DNAH14: variants seen among roughly 807,000 people sequenced by gnomAD.
DNAH14 encodes axonemal beta dynein heavy chain 14.
A neutral mutation model predicts 520.9 loss-of-function variants in DNAH14; 478 were observed. The ratio of observed to expected loss-of-function variants is 0.92; its 90% CI spans 0.85 to 0.99. The LOEUF is 0.99. DNAH14 is among the 50% of genes least tolerant of loss of function. The pLI is 0.00. For missense variants in DNAH14, 4,831 were observed against 5,234.5 expected (o/e 0.92, Z 2.38); for synonymous variants, 1,581 against 1,757.2 (o/e 0.90, Z 2.51).
intron 1 of DNAH14, among the ~76,000 whole-genome samples, chr1:224,947,804 GTTAT>G (rs2059938929): frequency 6.6e-6 from 1 of 151,466 alleles, no homozygotes; most frequent in Non-Finnish European, 1.5e-5. Context: ...TGAAATATGA[GTTAT>G]TTAGACAGGT....
intron 23 of DNAH14, among the ~76,000 whole-genome samples, chr1:225,106,744 G>A (rs2076086598): frequency 6.6e-6 from 1 of 152,184 alleles, no homozygotes. Context: ...GTCCTTTAAG[G>A]ACTTCTCTGC....
chr1:225,299,732 C>A (rs1175494583), intron 55 of DNAH14, among the ~76,000 whole-genome samples: 1 of 152,186 alleles, frequency 6.6e-6, no homozygotes, highest in African/African-American at 2.4e-5. Context: ...CCCACACTTT[C>A]CAGGCTTCTT....
At position 225,351,798 on chromosome 1, in the gene DNAH14, C is replaced by G; in HGVS notation, c.11448C>G (p.Asn3816Lys). 6.4e-7 allele frequency: 1 copy of G among 1,551,294 alleles called. No homozygotes were observed. Among genetic ancestry groups the G allele is most frequent in the South Asian group, 1.2e-5 (1 of 84,058 alleles). ...SNVSQWDTFK[N>K]SKAVYSLIST... is the part of the protein sequence containing the mutation. ...TATCACAATGGGATACTTTTAAGAA[C>G]AGTAAAGCAGTTTATTCTCTGATCA... The change falls in exon 72 of 86, where the codon AAC becomes AAG. Residue 3816 changes from asparagine (N) to lysine (K), a missense_variant. By Grantham distance (94) the Asn-to-Lys change is moderately conservative. Coordinates refer to ENST00000682510, the MANE Select transcript of DNAH14 (RefSeq NM_001367479.1).
At chr1:225,152,192 C>T (rs1196039212) in intron 32 of DNAH14, 119 bp downstream of exon 32, 2 of 810,864 alleles carry the variant, frequency 2.5e-6, no homozygotes, top group Admixed American at 5.5e-5. Context: ...CCACCATCCT[C>T]TGAACACTTC....
At chr1:225,214,541 CT>C (rs1476663658) in intron 41 of DNAH14, among the ~76,000 whole-genome samples, 2 of 152,098 alleles carry the variant, frequency 1.3e-5, no homozygotes, top group Non-Finnish European at 2.9e-5. Flanking sequence ...TGCTGCTAGA[CT>C]TTTTTTGGTT....
rs41267357 is a variant in DNAH14 at position 225,322,835 on chromosome 1, A to T, written c.9495+12A>T. The T allele has an allele frequency of 0.052, 79,954 of 1,541,622 alleles. 2,280 individuals are homozygous for T. Among genetic ancestry groups the T allele is most frequent in the South Asian group, 0.072 (5,949 of 83,200 alleles). On this transcript the variant is annotated intron_variant, in intron 62 of 85. Coordinates refer to ENST00000682510, the MANE Select transcript of DNAH14 (RefSeq NM_001367479.1). ...GCATACCTGATAAGGTAAAAAGTTG[A>T]TCTCTAATTGATGCATCTCATATTT... is the stretch of plus-strand genomic sequence containing the variant.
At chr1:225,063,436 C>T (rs1227276334) in intron 17 of DNAH14, among the ~76,000 whole-genome samples, 1 of 151,590 alleles carries the variant, frequency 6.6e-6, no homozygotes, top group African/African-American at 2.4e-5. Context: ...AAACACTTTC[C>T]ATTTGTGGTT....
chr1:224,956,311 G>A (rs1345449279), intron 3 of DNAH14, among the ~76,000 whole-genome samples: 2 of 152,068 alleles, frequency 1.3e-5, no homozygotes, highest in Non-Finnish European at 2.9e-5. Flanking sequence ...GTCATGTACT[G>A]CATAACGACA....
At chr1:225,397,011 CT>C (rs34693547) in intron 84 of DNAH14, 126,484 of 143,694 alleles carry the variant, frequency 0.88, 55,582 homozygotes, top group East Asian at 0.94. Context: ...CAGTAAAATT[CT>C]TTTTTTTTTT....
chr1:225,037,796 C>T (rs909320546), intron 11 of DNAH14, among the ~76,000 whole-genome samples: 1 of 152,156 alleles, frequency 6.6e-6, no homozygotes, highest in Non-Finnish European at 1.5e-5. Flanking sequence ...AATTCTCCTG[C>T]CTCAGCCTCC....
intron 41 of DNAH14, among the ~76,000 whole-genome samples, chr1:225,227,295 C>A (rs1386634277): frequency 1.3e-5 from 2 of 151,996 alleles, no homozygotes; most frequent in African/African-American, 4.8e-5. Flanking sequence ...CTGTGGCCTT[C>A]CGCAGTGCAT....
chr1:224,948,969 T>G (rs2060007526), intron 1 of DNAH14, among the ~76,000 whole-genome samples: 1 of 152,210 alleles, frequency 6.6e-6, no homozygotes, highest in African/African-American at 2.4e-5. Context: ...ATATTACTTT[T>G]TTTGCTCATA....
At chr1:225,033,004 A>T (rs1389435793) in intron 11 of DNAH14, among the ~76,000 whole-genome samples, 1 of 152,102 alleles carries the variant, frequency 6.6e-6, no homozygotes, top group Non-Finnish European at 1.5e-5. Flanking sequence ...AAGTTTGCAA[A>T]TATTTTCCCC....
At chr1:225,270,603 C>T in intron 49 of DNAH14, 132 bp from the exon 50 acceptor site, 1 of 690,912 alleles carries the variant, frequency 1.4e-6, no homozygotes, top group South Asian at 4.7e-5. Flanking sequence ...TTTGTTTTTG[C>T]AATAAATAGT....
rs753507225 is a variant in DNAH14 at position 225,322,816 on chromosome 1, C to G, written c.9488C>G (p.Pro3163Arg). 1 of 1,548,518 alleles carries G rather than the reference C, an allele frequency of 6.5e-7. No individual in the cohort carries two copies. Among genetic ancestry groups the G allele is most frequent in the Non-Finnish European group, 8.7e-7 (1 of 1,144,376 alleles). Residue 3163 changes from proline (P) to arginine (R), a missense_variant, in exon 62 of 86, where the codon CCT (proline) becomes CGT (arginine). By Grantham distance (103) the Pro-to-Arg change is moderately radical. Transcript: ENST00000682510. ...ATTAACCTTGACAAGGACAGCATAC[C>G]TGATAAGGTAAAAAGTTGATCTCTA... ...KLINLDKDSI[P>R]DKVFVKLKKI... is the part of the protein sequence containing the mutation.
At chr1:225,096,036 C>T (rs1201136058) in intron 21 of DNAH14, among the ~76,000 whole-genome samples, 10 of 152,042 alleles carry the variant, frequency 6.6e-5, no homozygotes, top group Non-Finnish European at 1.3e-4. Context: ...GTGCAGTCTC[C>T]ACCCACTGCA....
rs1321857356 is a variant in DNAH14, at chr1:225,080,528, T to G, written c.2916T>G (p.His972Gln). Reference sequence around the variant, plus strand: ...ATTGTTTCAGTGATTCTCAATCTCATATGCATTCTGTTAATGTGGAAGAAA... The same window carrying G: ...ATTGTTTCAGTGATTCTCAATCTCAGATGCATTCTGTTAATGTGGAAGAAA... The part of the protein sequence containing the change: ...YQDCFSDSQS[H>Q]MHSVNVEEIT... The change falls in exon 19 of 86, where the codon CAT (histidine) becomes CAG (glutamine). Residue 972 changes from histidine (H) to glutamine (Q), a missense_variant. Coordinates refer to ENST00000682510, the MANE Select transcript of DNAH14 (RefSeq NM_001367479.1). 5.8e-6 allele frequency: 9 copies of G among 1,551,804 alleles called. No homozygotes were observed. Among genetic ancestry groups the G allele is most frequent in the Non-Finnish European group, 7.8e-6 (9 of 1,147,040 alleles).
chr1:225,282,735 G>A (rs2093653933), intron 54 of DNAH14, among the ~76,000 whole-genome samples: 1 of 152,188 alleles, frequency 6.6e-6, no homozygotes, highest in Non-Finnish European at 1.5e-5. Flanking sequence ...CCATTACTGA[G>A]GGTTGCTAAG....
chr1:225,235,490 C>T (rs1298878409), intron 42 of DNAH14, among the ~76,000 whole-genome samples: 1 of 151,288 alleles, frequency 6.6e-6, no homozygotes, highest in South Asian at 2.1e-4. Context: ...TTAGGGATGG[C>T]TTGAAGTTTT....
Sources: gnomAD v4.1 joint callset for allele counts (sites outside exome capture counted in the v4.1 genomes callset) on GRCh38, gnomAD v4.1.1 for gene constraint, MANE v1.5 for transcripts, NCBI Gene and HGNC (gene_info 2026-07-23, HGNC 2026-07-21) for gene names.